Variants in TANGO6 observed in about 807,000 individuals in gnomAD.
TANGO6 encodes the protein transport and Golgi organization protein 6 homolog.
A neutral mutation model predicts 114.2 loss-of-function variants in TANGO6; 90 were observed. The ratio of observed to expected loss-of-function variants is 0.79; its 90% CI spans 0.66 to 0.94. The LOEUF is 0.94. TANGO6 is among the 40% of genes least tolerant of loss of function. The pLI is 0.00. For missense variants in TANGO6, 1,274 were observed against 1,315.3 expected (o/e 0.97, Z 0.49); for synonymous variants, 477 against 509.8 (o/e 0.94, Z 0.87).
rs115966379 is a variant in TANGO6 at position 69,083,442 on chromosome 16, C to T, written c.3109-43C>T. ...GGCAGTTCAGTCGTACTGAGAAATG[C>T]CGGCACAGTAGACAGGCGGTCATGG... On this transcript the variant is annotated intron_variant, in intron 17 of 17. Transcript: ENST00000261778. 3,680 of 1,572,350 alleles carry T rather than the reference C, an allele frequency of 2.3e-3. 66 individuals are homozygous for T. The African/African-American group carries it at 0.037, about 16-fold the overall frequency.
At chr16:68,957,536 T>C (rs189260008) in intron 14 of TANGO6, among the ~76,000 whole-genome samples, 25 of 152,134 alleles carry the variant, frequency 1.6e-4, no homozygotes, top group Middle Eastern at 3.4e-3. Context: ...TAGCTGGGAT[T>C]ACAAGCGCCC....
rs1962063330 is a variant in TANGO6, at chr16:68,859,939, A to C, written c.150A>C (p.Leu50Phe). The stretch of plus-strand genomic sequence containing the variant: ...AACATGATGTCTTGTTGGCTACTTT[A>C]AAATCTAACCTGTCTGCTTTGGAGG... ...VTKHDVLLATLKSNLSALEDK... is the reference protein window; with the variant it reads ...VTKHDVLLATFKSNLSALEDK... The change falls in exon 2 of 18, where the codon TTA becomes TTC. Residue 50 changes from leucine (L) to phenylalanine (F), a missense_variant. Coordinates refer to ENST00000261778, the MANE Select transcript of TANGO6 (RefSeq NM_024562.2). 6.2e-7 allele frequency: 1 copy of C among 1,608,168 alleles called. No homozygotes were observed.
intron 15 of TANGO6, among the ~76,000 whole-genome samples, chr16:69,016,021 C>T (rs1959290887): frequency 6.6e-6 from 1 of 152,184 alleles, no homozygotes; most frequent in Non-Finnish European, 1.5e-5. Context: ...CCTCTGAGAG[C>T]TCTTCCCTGA....
chr16:69,023,556 A>T (rs79058161), intron 16 of TANGO6, among the ~76,000 whole-genome samples: 1 of 152,206 alleles, frequency 6.6e-6, no homozygotes, highest in African/African-American at 2.4e-5. Flanking sequence ...ATGATTTATC[A>T]TAGAGTCTGA....
chr16:68,918,805 G>C (rs569201002), intron 11 of TANGO6, among the ~76,000 whole-genome samples: 2 of 152,322 alleles, frequency 1.3e-5, no homozygotes, highest in African/African-American at 4.8e-5. Context: ...CTGGGAGTGG[G>C]GCTAGCCCAG....
chr16:68,902,363 G>A lies in TANGO6; in HGVS notation c.1526G>A (p.Gly509Glu). ...CAAGAAATCTTATTATGGATTCTGGGGAAGCTGGAAAGGAAGAAGGCAATT... is the reference window on the plus strand; with the variant it reads ...CAAGAAATCTTATTATGGATTCTGGAGAAGCTGGAAAGGAAGAAGGCAATT... ...LCQEILLWILGKLERKKAIAS... is the reference protein window; with the variant it reads ...LCQEILLWILEKLERKKAIAS... Residue 509 changes from glycine (G) to glutamate (E), a missense_variant, in exon 9 of 18, where the codon GGG (glycine) becomes GAG (glutamate). Gly to Glu is a moderately conservative substitution (Grantham distance 98). Transcript: ENST00000261778. The A allele has an allele frequency of 1.9e-6, 3 of 1,612,084 alleles. No homozygotes were observed. The highest frequency in any genetic ancestry group is 2.5e-6 in the Non-Finnish European group (3 of 1,179,160).
At chr16:68,964,300 TA>T (rs1000925825) in intron 14 of TANGO6, among the ~76,000 whole-genome samples, 5 of 151,696 alleles carry the variant, frequency 3.3e-5, no homozygotes, top group South Asian at 2.1e-4. Context: ...AAATTAAAAG[TA>T]AAAAAAATTT....
At chr16:69,060,642 C>T (rs1014151228) in intron 17 of TANGO6, among the ~76,000 whole-genome samples, 2 of 151,504 alleles carry the variant, frequency 1.3e-5, no homozygotes, top group African/African-American at 4.8e-5. Context: ...GAACATTGCT[C>T]TTAAATTCCT....
intron 15 of TANGO6, among the ~76,000 whole-genome samples, chr16:68,997,657 C>T (rs1964004117): frequency 6.6e-6 from 1 of 152,112 alleles, no homozygotes; most frequent in Admixed American, 6.5e-5. Flanking sequence ...TGACCTGTAT[C>T]TTGTGAAACC....
intron 8 of TANGO6, 142 bp downstream of exon 8, chr16:68,900,688 ATT>A (rs1470371943): frequency 2.8e-6 from 2 of 724,294 alleles, no homozygotes; most frequent in African/African-American, 3.6e-5. Context: ...GGATCTTCCT[ATT>A]TTGCTCATCT....
At chr16:68,950,586 C>T (rs891315670) in intron 14 of TANGO6, among the ~76,000 whole-genome samples, 9 of 149,552 alleles carry the variant, frequency 6.0e-5, no homozygotes, top group South Asian at 2.1e-4. Flanking sequence ...TTAGGATGGG[C>T]GCGGTGGCTC....
At chr16:68,928,632 G>A (rs1963202282) in intron 13 of TANGO6, among the ~76,000 whole-genome samples, 1 of 152,056 alleles carries the variant, frequency 6.6e-6, no homozygotes, top group Non-Finnish European at 1.5e-5. Context: ...AATGCTGTGG[G>A]CAGTCAGGAA....
intron 14 of TANGO6, among the ~76,000 whole-genome samples, chr16:68,969,391 A>C (rs151186065): frequency 4.5e-4 from 69 of 152,268 alleles, no homozygotes; most frequent in Middle Eastern, 6.8e-3. Flanking sequence ...ATTTTTATAC[A>C]GTCTTAACCA....
chr16:68,974,008 C>A lies in TANGO6; in HGVS notation c.2702-20C>A, dbSNP rs1164302383. 6.3e-7 allele frequency: 1 copy of A among 1,584,460 alleles called. No individual in the cohort carries two copies. The highest frequency in any genetic ancestry group is 1.1e-5 in the South Asian group (1 of 87,104). On this transcript the variant is annotated intron_variant, in intron 14 of 17. Transcript: ENST00000261778. ...GATCGTAAACAGTAATGAATCCTTTCTTTTTGTTTTCAACCCCAGGGGTTG... is the reference window on the plus strand; with the variant it reads ...GATCGTAAACAGTAATGAATCCTTTATTTTTGTTTTCAACCCCAGGGGTTG...
In TANGO6 at chr16:69,009,072, CTTTTTTTTTTTT is replaced by C. The variant is rs869092742; in HGVS notation, c.2843-13741_2843-13730del. ...TGAACATAAACAGGAGAGTTTATTT[CTTTTTTTTTTTT>C]TTTTTTTTTTTTTTGAGACGGAGTC... On this transcript the variant is annotated intron_variant, in intron 15 of 17. Coordinates refer to ENST00000261778, the MANE Select transcript of TANGO6 (RefSeq NM_024562.2). 1.0e-4 allele frequency among the ~76,000 whole-genome samples: 8 copies of C among 77,678 alleles called. No individual in the cohort carries two copies. The South Asian group carries it at 1.3e-3, about 12-fold the overall frequency. The allele number at this position is 77,678 out of a possible 152,430, so 51.0% of individuals were successfully genotyped here.
intron 7 of TANGO6, among the ~76,000 whole-genome samples, chr16:68,895,763 T>A (rs2152178767): frequency 6.6e-6 from 1 of 152,264 alleles, no homozygotes; most frequent in East Asian, 1.9e-4. Flanking sequence ...ATCTCCAAAA[T>A]CAATCTGGTC....
chr16:69,023,230 T>A (rs1597061849), intron 16 of TANGO6, among the ~76,000 whole-genome samples: 1 of 151,746 alleles, frequency 6.6e-6, no homozygotes, highest in Non-Finnish European at 1.5e-5. Context: ...GCGAGGCGGG[T>A]AGATTGCTTG....
chr16:69,084,994 GAGTT>G lies in TANGO6; in HGVS notation c.*1336_*1339del, dbSNP rs1960515590. On this transcript the variant is annotated 3_prime_UTR_variant, in exon 18 of 18. Transcript: ENST00000261778. ...ATCACAAGTGAGCTTAGTGAGCAGAGAGTTAGAACAAATCTAGCTAGGTGTGTTT... is the reference window on the plus strand; with the variant it reads ...ATCACAAGTGAGCTTAGTGAGCAGAGAGAACAAATCTAGCTAGGTGTGTTT... The G allele has an allele frequency of 1.3e-5, 2 of 152,338 alleles. No homozygotes were observed. Among genetic ancestry groups the G allele is most frequent in the Admixed American group, 1.3e-4 (2 of 15,272 alleles). The allele number at this position is 152,338 out of a possible 1,614,324, so 9.4% of individuals were successfully genotyped here.
chr16:69,072,089 T>G (rs1960304800), intron 17 of TANGO6, among the ~76,000 whole-genome samples: 1 of 143,286 alleles, frequency 7.0e-6, no homozygotes, highest in African/African-American at 2.6e-5. Context: ...AGACCGTGTG[T>G]GTGTGTGTGT....
Sources: allele counts gnomAD v4.1 joint callset (sites outside exome capture counted in the v4.1 genomes callset), GRCh38; gene constraint gnomAD v4.1.1; transcripts MANE v1.5; gene names NCBI Gene and HGNC (gene_info 2026-07-23, HGNC 2026-07-21).